The following CEP170 variants were observed in gnomAD, a reference collection of about 807,000 sequenced individuals.
CEP170 encodes the protein centrosomal protein 170, also known as centrosomal protein of 170 kDa.
A neutral mutation model predicts 151.9 loss-of-function variants in CEP170; 21 were observed. That is an observed-to-expected ratio of 0.14 (90% CI 0.10 to 0.20). The LOEUF (loss-of-function observed/expected upper bound fraction) is 0.20, where lower values mean the gene tolerates loss of function less well. CEP170 is among the 10% of genes least tolerant of loss of function. CEP170 has a pLI of 1.00. For missense variants in CEP170, 964 were observed against 1,892.9 expected, an observed-to-expected ratio of 0.51 and a Z score of 9.11; for synonymous variants, 356 against 648.8, an observed-to-expected ratio of 0.55 and a Z score of 6.86.
At chr1:243,200,167 G>A (rs1264960142) in intron 6 of CEP170, among the ~76,000 whole-genome samples, 2 of 151,952 alleles carry the variant, frequency 1.3e-5, no homozygotes, top group African/African-American at 4.8e-5. Context: ...ACAGGAGGAT[G>A]TGTTCAAGTT....
intron 3 of CEP170, among the ~76,000 whole-genome samples, chr1:243,220,867 A>G (rs1289523897): frequency 2.6e-5 from 4 of 152,270 alleles, no homozygotes; most frequent in African/African-American, 7.2e-5. Flanking sequence ...TCACTTCAGT[A>G]ACACAAAAAT....
chr1:243,221,639 T>A, intron 3 of CEP170, 85 bp downstream of exon 3: 7 of 1,328,144 alleles, frequency 5.3e-6, no homozygotes, highest in Non-Finnish European at 7.2e-6. Flanking sequence ...AAAAAGAAAA[T>A]GTAGCTAGGA....
At chr1:243,222,147 C>T (rs1032467538) in intron 2 of CEP170, among the ~76,000 whole-genome samples, 3 of 152,242 alleles carry the variant, frequency 2.0e-5, no homozygotes, top group East Asian at 3.9e-4. Context: ...TATAATTTTA[C>T]CATGTTTTAC....
intron 1 of CEP170, among the ~76,000 whole-genome samples, chr1:243,244,975 C>A (rs2065230435): frequency 2.0e-5 from 3 of 151,986 alleles, no homozygotes; most frequent in Admixed American, 6.6e-5. Flanking sequence ...ATGTTAAAAT[C>A]TTTGTTGGGT....
At position 243,238,298 on chromosome 1, in the gene CEP170, A is replaced by T. The variant is rs372934265; in HGVS notation, c.-41-12977T>A. Among the ~76,000 whole-genome samples the T allele has an allele frequency of 2.6e-4, 39 of 152,276 alleles. No individual in the cohort carries two copies. In the South Asian group the frequency reaches 6.6e-3, roughly 26 times the overall value. On this transcript the variant is annotated intron_variant, in intron 1 of 19. Coordinates refer to ENST00000366542, the MANE Select transcript of CEP170 (RefSeq NM_014812.3). ...CACCCTGTCTCTACAAAAAAATAAA[A>T]AAAATAAATAAATTGCCAGGTGTGG...
rs568305272 is a variant in CEP170, at chr1:243,173,611, C to T, written c.1567-765G>A. Among the ~76,000 whole-genome samples, 7 of 151,484 alleles carry T rather than the reference C, an allele frequency of 4.6e-5. 1 individual carries two copies. In the South Asian group the frequency reaches 1.0e-3, roughly 23 times the overall value. On this transcript the variant is annotated intron_variant, in intron 10 of 19. Coordinates refer to ENST00000366542, the MANE Select transcript of CEP170 (RefSeq NM_014812.3). ...ATTAGCTGGGCATGGTGCCATGTGC[C>T]TATAGTCCCAGCTACTTGGGAGGCT...
intron 14 of CEP170, among the ~76,000 whole-genome samples, chr1:243,149,146 A>G (rs937648568): frequency 7.2e-6 from 1 of 138,516 alleles, no homozygotes; most frequent in Non-Finnish European, 1.6e-5. Flanking sequence ...GATAAGTTAC[A>G]TTTGGTAAAA....
intron 8 of CEP170, among the ~76,000 whole-genome samples, chr1:243,190,794 C>T (rs2060263891): frequency 1.3e-5 from 2 of 152,046 alleles, no homozygotes; most frequent in African/African-American, 4.8e-5. Flanking sequence ...AATATAAGCT[C>T]ATAAAACCAA....
At chr1:243,233,846 A>G (rs2064007935) in intron 1 of CEP170, among the ~76,000 whole-genome samples, 1 of 151,666 alleles carries the variant, frequency 6.6e-6, no homozygotes, top group Non-Finnish European at 1.5e-5. Flanking sequence ...GTTAATTACT[A>G]TAATACTTAA....
chr1:243,227,697 G>A (rs1210573313), intron 1 of CEP170, among the ~76,000 whole-genome samples: 1 of 152,142 alleles, frequency 6.6e-6, no homozygotes, highest in African/African-American at 2.4e-5. Context: ...CTATGCTAAA[G>A]AGCCAAAAAC....
intron 14 of CEP170, among the ~76,000 whole-genome samples, chr1:243,149,854 A>C: frequency 6.6e-6 from 1 of 152,118 alleles, no homozygotes; most frequent in East Asian, 1.9e-4. Context: ...CCAACAAAAC[A>C]ATAAAAGCAC....
At chr1:243,181,630 C>A (rs532208593) in intron 10 of CEP170, among the ~76,000 whole-genome samples, 13 of 152,248 alleles carry the variant, frequency 8.5e-5, no homozygotes, top group Non-Finnish European at 1.6e-4. Flanking sequence ...GATGCAAATA[C>A]ACGGTTTGCT....
chr1:243,126,904 A>G (rs1221265747), intron 19 of CEP170, among the ~76,000 whole-genome samples, 166 bp from the exon 20 acceptor site: 8 of 152,194 alleles, frequency 5.3e-5, no homozygotes, highest in Admixed American at 2.0e-4. Context: ...CTGTAGCTGT[A>G]CTGTAAATCA....
At chr1:243,244,299 CA>C (rs1035238409) in intron 1 of CEP170, among the ~76,000 whole-genome samples, 6 of 150,322 alleles carry the variant, frequency 4.0e-5, no homozygotes, top group Admixed American at 6.6e-5. Context: ...ATTTTCATTA[CA>C]AAAAAAAGAA....
chr1:243,156,545 G>T, intron 13 of CEP170, 90 bp from the exon 14 acceptor site: 1 of 1,201,748 alleles, frequency 8.3e-7, no homozygotes. Flanking sequence ...CACCATGAGA[G>T]CGCACACACG....
intron 14 of CEP170, among the ~76,000 whole-genome samples, chr1:243,145,478 T>C (rs1214038571): frequency 1.3e-5 from 2 of 152,248 alleles, no homozygotes; most frequent in Non-Finnish European, 2.9e-5. Flanking sequence ...TTTCACCATG[T>C]TGGCCAGGAT....
At chr1:243,144,642 T>C (rs1304332102) in intron 14 of CEP170, among the ~76,000 whole-genome samples, 1 of 152,232 alleles carries the variant, frequency 6.6e-6, no homozygotes, top group Non-Finnish European at 1.5e-5. Context: ...ATGAAGTTTC[T>C]AATATTTGTG....
intron 1 of CEP170, among the ~76,000 whole-genome samples, chr1:243,247,093 C>T (rs917884291): frequency 1.2e-4 from 19 of 152,154 alleles, no homozygotes; most frequent in African/African-American, 4.1e-4. Context: ...AGTTCAAAAC[C>T]CCTAACCAGT....
At chr1:243,247,743 A>C (rs780691039) in intron 1 of CEP170, among the ~76,000 whole-genome samples, 5 of 152,236 alleles carry the variant, frequency 3.3e-5, no homozygotes, top group Admixed American at 3.3e-4. Flanking sequence ...GATAGAGTGC[A>C]TAGGAAGTAA....
Sources: allele counts gnomAD v4.1 joint callset (sites outside exome capture counted in the v4.1 genomes callset), GRCh38; gene constraint gnomAD v4.1.1; transcripts MANE v1.5; gene names NCBI Gene and HGNC (gene_info 2026-07-23, HGNC 2026-07-21).